CAPN1: variants seen among roughly 807,000 people sequenced by gnomAD.
CAPN1 encodes calpain-1 catalytic subunit.
In CAPN1, 77 loss-of-function variants were observed where a neutral mutation model predicts 105.2. The ratio of observed to expected loss-of-function variants is 0.73; its 90% CI spans 0.61 to 0.88. The LOEUF (loss-of-function observed/expected upper bound fraction) is 0.88. Among genes scored for constraint, CAPN1 ranks in the 40% least tolerant of loss-of-function variants. The pLI, the probability that CAPN1 is intolerant of heterozygous loss-of-function variation, is 0.00. For synonymous variants in CAPN1, 355 were observed against 388.8 expected (o/e 0.91, Z 1.02); for missense variants, 833 against 976.6 (o/e 0.85, Z 1.96).
At position 65,211,422 on chromosome 11, in the gene CAPN1, C is replaced by T. The variant is rs1035965078; in HGVS notation, c.*136C>T. 1.8e-5 allele frequency: 14 copies of T among 765,200 alleles called. No homozygotes were observed. Among genetic ancestry groups the T allele is most frequent in the Admixed American group, 4.1e-5 (2 of 49,296 alleles). 47.4% of individuals were successfully genotyped at this position (765,200 alleles called of 1,614,324 possible). On this transcript the variant is annotated 3_prime_UTR_variant, in exon 22 of 22. Coordinates refer to ENST00000279247, the MANE Select transcript of CAPN1 (RefSeq NM_005186.4). Reference sequence around the variant, plus strand: ...AGAGAGGCAGCCTCGTCCTCCTGTCCCCTCTCCTCCCAGCCACCATCGTTC... The same window carrying T: ...AGAGAGGCAGCCTCGTCCTCCTGTCTCCTCTCCTCCCAGCCACCATCGTTC...
chr11:65,210,919 C>G lies in CAPN1; in HGVS notation c.2118+47C>G, dbSNP rs774612454. 1.3e-5 allele frequency: 19 copies of G among 1,499,504 alleles called. No individual in the cohort carries two copies. The highest frequency in any genetic ancestry group is 1.7e-4 in the Middle Eastern group (1 of 5,876). The allele number at this position is 1,499,504 out of a possible 1,614,324, so 92.9% of individuals were successfully genotyped here. ...TGGTTGGGGAAGAGTTCCAGGCGAT[C>G]GAATTTTCTTATCTGGCCAGTGTTC... On this transcript the variant is annotated intron_variant, in intron 21 of 21. Coordinates refer to ENST00000279247, the MANE Select transcript of CAPN1 (RefSeq NM_005186.4). This position sits in a 1 kb window ranked among gnomAD's most constrained non-coding sequence, Gnocchi z 4.3.
intron 10 of CAPN1, among the ~76,000 whole-genome samples, chr11:65,189,046 CAG>C (rs1400913226): frequency 6.6e-6 from 1 of 151,690 alleles, no homozygotes; most frequent in Non-Finnish European, 1.5e-5. Flanking sequence ...TTTTCTGAGA[CAG>C]AGTCTCACTC....
At chr11:65,200,932 C>CT (rs56897147) in intron 10 of CAPN1, among the ~76,000 whole-genome samples, 4,506 of 49,422 alleles carry the variant, frequency 0.091, 1,902 homozygotes, top group Non-Finnish European at 0.13. Context: ...CCATGCCTGG[C>CT]TTTTTTTTTT....
chr11:65,186,174 A>T lies in CAPN1; in HGVS notation c.595A>T (p.Asn199Tyr), dbSNP rs370154756. ...ALLEKAYAKV[N>Y]GSYEALSGGS... Reference sequence around the variant, plus strand: ...CTGACCTGGAGCTGCCCACAGGGTAAATGGCAGCTACGAGGCCCTGTCAGG... The same window carrying T: ...CTGACCTGGAGCTGCCCACAGGGTATATGGCAGCTACGAGGCCCTGTCAGG... The change falls in exon 6 of 22, where the codon AAT (asparagine) becomes TAT (tyrosine). Residue 199 changes from asparagine (N) to tyrosine (Y), a missense_variant. Physicochemically the swap from Asn to Tyr is moderately radical, Grantham distance 143. Coordinates refer to ENST00000279247, the MANE Select transcript of CAPN1 (RefSeq NM_005186.4). The T allele has an allele frequency of 6.2e-7, 1 of 1,612,798 alleles. No individual in the cohort carries two copies. The highest frequency in any genetic ancestry group is 1.3e-5 in the African/African-American group (1 of 74,846).
intron 10 of CAPN1, among the ~76,000 whole-genome samples, chr11:65,194,770 A>C (rs545025089): frequency 7.9e-5 from 12 of 152,164 alleles, no homozygotes; most frequent in African/African-American, 2.9e-4. Flanking sequence ...TGATTCATTC[A>C]TCAGTTGATG....
intron 12 of CAPN1, 184 bp downstream of exon 12, chr11:65,205,905 C>G: frequency 1.6e-6 from 1 of 620,216 alleles, no homozygotes; most frequent in Admixed American, 2.7e-5. Flanking sequence ...AGGGTCAGCA[C>G]AGGTAGTCAG....
intron 10 of CAPN1, among the ~76,000 whole-genome samples, chr11:65,194,521 C>A (rs949133395): frequency 1.3e-5 from 2 of 152,070 alleles, no homozygotes; most frequent in Admixed American, 1.3e-4. Context: ...GTAAGCATTG[C>A]CGTTATCCAG....
Position 65,186,248 on chromosome 11 carries a change from G to A in CAPN1, c.669G>A (p.Glu223=). The change falls in exon 6 of 22, where the codon GAG becomes GAA. Residue 223 remains glutamate, a synonymous_variant. Transcript: ENST00000279247. ...AGGACTTCACAGGCGGGGTTACCGAGTGGTACGAGTTGCGCAAGGCTCCCA... is the reference window on the plus strand; with the variant it reads ...AGGACTTCACAGGCGGGGTTACCGAATGGTACGAGTTGCGCAAGGCTCCCA... ...GFEDFTGGVT[E]WYELRKAPSD... 1 of 1,613,690 alleles carries A rather than the reference G, an allele frequency of 6.2e-7. No individual in the cohort carries two copies. The highest frequency in any genetic ancestry group is 8.5e-7 in the Non-Finnish European group (1 of 1,179,732).
rs1948996151 is a variant in CAPN1, at chr11:65,208,427, C to T, written c.1729+165C>T. The T allele has an allele frequency of 1.5e-6, 1 of 680,154 alleles. No individual in the cohort carries two copies. The highest frequency in any genetic ancestry group is 1.8e-5 in the African/African-American group (1 of 56,470). 42.1% of individuals were successfully genotyped at this position (680,154 alleles called of 1,614,324 possible). A position where few individuals can be genotyped will look rare whatever the true frequency, so the allele number is the denominator to read the frequency against. The stretch of plus-strand genomic sequence containing the variant: ...CCTGCCATTTCCATCCCATACTCCT[C>T]CTCCTGACCTGCCATCCTGATAATC... On this transcript the variant is annotated intron_variant, in intron 16 of 21. Coordinates refer to ENST00000279247, the MANE Select transcript of CAPN1 (RefSeq NM_005186.4). The surrounding 1 kb of genome is among the most constrained non-coding windows in gnomAD (Gnocchi z 4.1).
rs1028156368 is a variant in CAPN1, at chr11:65,188,181, C to T, written c.929+141C>T. 37 of 715,194 alleles carry T rather than the reference C, an allele frequency of 5.2e-5. 1 individual carries two copies. In the African/African-American group the frequency reaches 6.3e-4, roughly 12 times the overall value. The allele number at this position is 715,194 out of a possible 1,614,324, so 44.3% of individuals were successfully genotyped here. A position where few individuals can be genotyped will look rare whatever the true frequency, so the allele number is the denominator to read the frequency against. The stretch of plus-strand genomic sequence containing the variant: ...TCTTCGCGCGACTGGGTCTGGGGGA[C>T]TGCTCTGACAAAGCTCAGGCCGTGC... On this transcript the variant is annotated intron_variant, in intron 8 of 21. Transcript: ENST00000279247. This position sits in a 1 kb window ranked among gnomAD's most constrained non-coding sequence, Gnocchi z 5.5.
intron 10 of CAPN1, among the ~76,000 whole-genome samples, chr11:65,191,857 A>T (rs1948723163): frequency 6.6e-6 from 1 of 152,114 alleles, no homozygotes; most frequent in Admixed American, 6.6e-5. Context: ...CCTATTAACT[A>T]AGCCTCACTC....
Position 65,183,606 on chromosome 11 carries a change from T to C in CAPN1, c.456+14T>C. Reference sequence around the variant, plus strand: ...TTCCATTTCCAGGTGAGGGCTCCCCTGGGGAGGAGGGGCAGCAGGCACTGG... The same window carrying C: ...TTCCATTTCCAGGTGAGGGCTCCCCCGGGGAGGAGGGGCAGCAGGCACTGG... On this transcript the variant is annotated intron_variant, in intron 4 of 21. Coordinates refer to ENST00000279247, the MANE Select transcript of CAPN1 (RefSeq NM_005186.4). 1 of 1,569,326 alleles carries C rather than the reference T, an allele frequency of 6.4e-7. No homozygotes were observed. Among genetic ancestry groups the C allele is most frequent in the South Asian group, 1.1e-5 (1 of 90,106 alleles).
intron 10 of CAPN1, among the ~76,000 whole-genome samples, chr11:65,197,004 C>G (rs1020662874): frequency 6.6e-6 from 1 of 152,128 alleles, no homozygotes. Context: ...TTATCCTTAT[C>G]TTAGGGATAA....
Position 65,206,781 on chromosome 11 carries a change from G to C in CAPN1, c.1567G>C (p.Glu523Gln). The C allele has an allele frequency of 3.7e-6, 6 of 1,612,834 alleles. No homozygotes were observed. The highest frequency in any genetic ancestry group is 5.1e-6 in the Non-Finnish European group (6 of 1,179,576). Residue 523 changes from glutamate (E) to glutamine (Q), a missense_variant and splice_region_variant, in exon 14 of 22, where the codon GAG becomes CAG. Physicochemically the swap from Glu to Gln is conservative, Grantham distance 29. Coordinates refer to ENST00000279247, the MANE Select transcript of CAPN1 (RefSeq NM_005186.4). Reference protein sequence around the residue: ...FFSEKSAGTVELDDQIQANLP... With the variant: ...FFSEKSAGTVQLDDQIQANLP... ...TCCTTTCCTCCCCACTCTCTGCAGG[G>C]AGCTGGATGACCAGATCCAGGCCAA...
rs185612692 is a variant in CAPN1 at position 65,186,338 on chromosome 11, C to G, written c.759C>G (p.Asp253Glu). The G allele has an allele frequency of 6.2e-7, 1 of 1,608,952 alleles. No homozygotes were observed. The highest frequency in any genetic ancestry group is 8.5e-7 in the Non-Finnish European group (1 of 1,177,304). Residue 253 changes from aspartate (D) to glutamate (E), a missense_variant and splice_region_variant, in exon 6 of 22, where the codon GAC (aspartate) becomes GAG (glutamate). Physicochemically the swap from Asp to Glu is conservative, Grantham distance 45. Coordinates refer to ENST00000279247, the MANE Select transcript of CAPN1 (RefSeq NM_005186.4). The part of the protein sequence containing the change: ...ERGSLLGCSI[D>E]ISSVLDMEAI... ...GCTCCCTGCTGGGCTGCTCCATAGACGTGAGTGTGCCCGGCCCCGATGCTT... is the reference window on the plus strand; with the variant it reads ...GCTCCCTGCTGGGCTGCTCCATAGAGGTGAGTGTGCCCGGCCCCGATGCTT...
At chr11:65,184,368 C>G (rs17886894) in intron 4 of CAPN1, among the ~76,000 whole-genome samples, 1 of 151,962 alleles carries the variant, frequency 6.6e-6, no homozygotes, top group Non-Finnish European at 1.5e-5. Context: ...CGCAGTCTCG[C>G]CCCCTTCCCT....
Position 65,198,989 on chromosome 11 carries a change from C to T in CAPN1, c.1166-5694C>T, listed in dbSNP as rs557375348. Among the ~76,000 whole-genome samples the T allele has an allele frequency of 5.9e-5, 9 of 152,304 alleles. No homozygotes were observed. In the South Asian group the frequency reaches 1.7e-3, roughly 28 times the overall value. On this transcript the variant is annotated intron_variant, in intron 10 of 21. Coordinates refer to ENST00000279247, the MANE Select transcript of CAPN1 (RefSeq NM_005186.4). ...AGCTGGGATTCTAGGTGTGCACCAC[C>T]ACATCCAGCTAATTTTTGTATTTTT... is the stretch of plus-strand genomic sequence containing the variant.
intron 21 of CAPN1, 150 bp from the exon 22 acceptor site, chr11:65,211,110 G>C: frequency 1.1e-6 from 1 of 887,998 alleles, no homozygotes; most frequent in Non-Finnish European, 1.8e-6. Context: ...TGGTTTCCCA[G>C]GGGTGGAGGA....
intron 10 of CAPN1, among the ~76,000 whole-genome samples, chr11:65,192,233 TA>T (rs201042295): frequency 6.6e-6 from 1 of 152,018 alleles, no homozygotes; most frequent in Non-Finnish European, 1.5e-5. Context: ...TGACCCCATT[TA>T]AAAAAAATAA....
Sources: allele counts gnomAD v4.1 joint callset (sites outside exome capture counted in the v4.1 genomes callset), GRCh38; gene constraint gnomAD v4.1.1; non-coding constraint Gnocchi (gnomAD v3.1); transcripts MANE v1.5; gene names NCBI Gene and HGNC (gene_info 2026-07-23, HGNC 2026-07-21).